CDC14A: variants seen among roughly 807,000 people sequenced by gnomAD.
CDC14A encodes dual specificity protein phosphatase CDC14A.
CDC14A carries 53 observed loss-of-function variants against 74.4 expected under a neutral mutation model. The ratio of observed to expected loss-of-function variants is 0.71; its 90% CI spans 0.57 to 0.89. The LOEUF is 0.89. Ranked by LOEUF, CDC14A falls within the 40% of genes least tolerant of loss-of-function variation. CDC14A has a pLI of 0.00. For synonymous variants in CDC14A, 247 were observed against 258.4 expected (o/e 0.96, Z 0.43); for missense variants, 646 against 713.7 (o/e 0.91, Z 1.08).
intron 10 of CDC14A, among the ~76,000 whole-genome samples, chr1:100,469,876 G>A (rs974107776): frequency 2.6e-5 from 4 of 152,142 alleles, no homozygotes; most frequent in African/African-American, 9.7e-5. Context: ...TCTCAAAATA[G>A]TAAGAGAAGA....
At chr1:100,489,037 T>A (rs643926) in intron 11 of CDC14A, among the ~76,000 whole-genome samples, 142,395 of 152,174 alleles carry the variant, frequency 0.94, 67,163 homozygotes, top group Non-Finnish European at 1. Flanking sequence ...GTTTTAAAGG[T>A]CCCAACCAGT....
chr1:100,419,652 T>G (rs116350214), intron 4 of CDC14A, among the ~76,000 whole-genome samples: 2,809 of 152,314 alleles, frequency 0.018, 98 homozygotes, highest in African/African-American at 0.064. Context: ...AGTCTCTCCT[T>G]TTTTGGCATA....
intron 2 of CDC14A, among the ~76,000 whole-genome samples, chr1:100,355,046 C>T (rs1287568484): frequency 6.6e-6 from 1 of 152,168 alleles, no homozygotes; most frequent in Non-Finnish European, 1.5e-5. Flanking sequence ...TGAAAGAGCC[C>T]TTTGCTGCTG....
chr1:100,459,101 G>GCA (rs545033793), intron 8 of CDC14A, among the ~76,000 whole-genome samples: 54,295 of 143,270 alleles, frequency 0.38, 10,416 homozygotes, highest in East Asian at 0.54. Flanking sequence ...ACACACACAC[G>GCA]CACACACACA....
At chr1:100,403,901 A>G (rs551083557) in intron 4 of CDC14A, among the ~76,000 whole-genome samples, 126 of 152,324 alleles carry the variant, frequency 8.3e-4, no homozygotes, top group African/African-American at 2.8e-3. Context: ...GAAAAGTTAT[A>G]TAATGTCCCA....
chr1:100,404,125 C>T (rs967127264), intron 4 of CDC14A, among the ~76,000 whole-genome samples: 4 of 151,570 alleles, frequency 2.6e-5, no homozygotes, highest in East Asian at 1.9e-4. Flanking sequence ...AAGAGCTAAC[C>T]GCTTGCAGTG....
At chr1:100,351,607 C>T (rs1051853481), upstream of CDC14A, 1 of 663,016 alleles carries the variant, frequency 1.5e-6, no homozygotes, top group African/African-American at 1.8e-5. Flanking sequence ...CCAGTGGACT[C>T]TCCTCTCTCT....
chr1:100,443,927 G>C (rs1271755858), intron 7 of CDC14A, among the ~76,000 whole-genome samples: 2 of 152,314 alleles, frequency 1.3e-5, no homozygotes, highest in South Asian at 4.1e-4. Context: ...GAACTCATCC[G>C]TTGGGTTTCC....
intron 2 of CDC14A, among the ~76,000 whole-genome samples, chr1:100,368,487 C>A (rs886143989): frequency 1.1e-4 from 17 of 152,108 alleles, no homozygotes; most frequent in African/African-American, 4.1e-4. Context: ...TGTGGCTAAG[C>A]CAATCTGATT....
chr1:100,351,911 T>TG (rs562612279), upstream of CDC14A: 2 of 1,044,074 alleles, frequency 1.9e-6, no homozygotes, highest in African/African-American at 1.6e-5. Context: ...GTGTTGGGCG[T>TG]GGGGGGTGGC....
At chr1:100,386,958 T>C (rs553413823) in intron 3 of CDC14A, among the ~76,000 whole-genome samples, 2 of 152,264 alleles carry the variant, frequency 1.3e-5, no homozygotes, top group East Asian at 3.9e-4. Context: ...GATTATGTAA[T>C]AGTATTTTTT....
At chr1:100,501,653 C>T (rs532239928) in intron 15 of CDC14A, among the ~76,000 whole-genome samples, 1 of 152,350 alleles carries the variant, frequency 6.6e-6, no homozygotes, top group South Asian at 2.1e-4. Context: ...TATACACCTT[C>T]TCCTTATTAA....
chr1:100,398,919 A>G (rs545215022), intron 4 of CDC14A, among the ~76,000 whole-genome samples: 23 of 152,320 alleles, frequency 1.5e-4, no homozygotes, highest in African/African-American at 5.5e-4. Context: ...GACAGGGAGA[A>G]TAGCATGAAG....
chr1:100,458,758 G>A (rs919116213), intron 8 of CDC14A, among the ~76,000 whole-genome samples: 6 of 150,932 alleles, frequency 4.0e-5, no homozygotes, highest in African/African-American at 1.5e-4. Flanking sequence ...TTAGAGGCTC[G>A]TTAGAAAAGC....
At chr1:100,444,323 G>A (rs1439906489) in intron 7 of CDC14A, among the ~76,000 whole-genome samples, 1 of 152,072 alleles carries the variant, frequency 6.6e-6, no homozygotes, top group East Asian at 1.9e-4. Context: ...TTCTCTAACT[G>A]AGCACGGCCC....
At chr1:100,497,127 A>T (rs1647961653) in intron 13 of CDC14A, among the ~76,000 whole-genome samples, 1 of 152,216 alleles carries the variant, frequency 6.6e-6, no homozygotes, top group African/African-American at 2.4e-5. Context: ...TTACTATGAG[A>T]ATATATGATG....
chr1:100,355,162 A>T (rs1192605965), intron 2 of CDC14A, among the ~76,000 whole-genome samples: 2 of 152,120 alleles, frequency 1.3e-5, no homozygotes, highest in African/African-American at 4.8e-5. Context: ...GTGTACCTGG[A>T]TGATGTCACT....
At chr1:100,442,422 A>G (rs1037981338) in intron 6 of CDC14A, among the ~76,000 whole-genome samples, 1 of 147,670 alleles carries the variant, frequency 6.8e-6, no homozygotes, top group African/African-American at 2.5e-5. Flanking sequence ...CTCATCAAAT[A>G]TTATTAAGGA....
intron 15 of CDC14A, among the ~76,000 whole-genome samples, chr1:100,514,162 TAA>T (rs1650009248): frequency 1.7e-5 from 1 of 60,206 alleles, no homozygotes; most frequent in Non-Finnish European, 5.0e-5. Context: ...ACTTCAGGTA[TAA>T]AAATTATTTT....
Sources: gnomAD v4.1 joint callset for allele counts (sites outside exome capture counted in the v4.1 genomes callset) on GRCh38, gnomAD v4.1.1 for gene constraint, MANE v1.5 for transcripts, NCBI Gene and HGNC (gene_info 2026-07-23, HGNC 2026-07-21) for gene names.